TRPC4: variants seen among roughly 807,000 people sequenced by gnomAD.
TRPC4 encodes the protein transient receptor potential cation channel subfamily C member 4, also known as short transient receptor potential channel 4.
In TRPC4, 49 loss-of-function variants were observed where a neutral mutation model predicts 99.4. The ratio of observed to expected loss-of-function variants is 0.49; its 90% CI spans 0.39 to 0.63. The LOEUF (loss-of-function observed/expected upper bound fraction) is 0.63, where lower values mean the gene tolerates loss of function less well. Among genes scored for constraint, TRPC4 ranks in the 20% least tolerant of loss-of-function variants. TRPC4 has a pLI of 0.00. For synonymous variants in TRPC4, 454 were observed against 425.9 expected, an observed-to-expected ratio of 1.07 and a Z score of -0.81; for missense variants, 898 against 1,152.9, an observed-to-expected ratio of 0.78 and a Z score of 3.20.
chr13:37,799,226 G>A (rs1200231178), intron 1 of TRPC4, among the ~76,000 whole-genome samples: 3 of 152,192 alleles, frequency 2.0e-5, no homozygotes, highest in East Asian at 1.9e-4. Flanking sequence ...GAGCCACTGC[G>A]CCCGGCCTAA....
At chr13:37,859,693 A>T (rs1017662817) in intron 1 of TRPC4, among the ~76,000 whole-genome samples, 2 of 151,456 alleles carry the variant, frequency 1.3e-5, no homozygotes, top group Admixed American at 6.6e-5. Context: ...ACACAAAAAT[A>T]AAAAATTCAT....
chr13:37,685,591 A>G lies in TRPC4; in HGVS notation c.1234+6408T>C, dbSNP rs369888827. ...CTATTGTTACTCTGTGCTAATGAAG[A>G]CTAATTCAAGAATCTCATTTTTTTT... is the stretch of plus-strand genomic sequence containing the variant. On this transcript the variant is annotated intron_variant, in intron 4 of 10. Coordinates refer to ENST00000379705, the MANE Select transcript of TRPC4 (RefSeq NM_016179.4). Among the ~76,000 whole-genome samples, 26 of 152,092 alleles carry G rather than the reference A, an allele frequency of 1.7e-4. 2 individuals carry two copies. The highest frequency in any genetic ancestry group is 6.3e-4 in the African/African-American group (26 of 41,468).
intron 3 of TRPC4, among the ~76,000 whole-genome samples, chr13:37,745,460 A>ATGCGTATATATATATATATATGCG (rs1555265753): frequency 6.1e-4 from 3 of 4,928 alleles, no homozygotes; most frequent in African/African-American, 1.3e-3. Context: ...ATATATATAT[A>ATGCGTATATATATATATATATGCG]TATATATATA....
intron 8 of TRPC4, among the ~76,000 whole-genome samples, chr13:37,647,445 G>A (rs17056378): frequency 0.23 from 34,510 of 152,054 alleles, 4,631 homozygotes; most frequent in East Asian, 0.7. Flanking sequence ...AACAATGATA[G>A]GATCTGCAAA....
At position 37,635,117 on chromosome 13, in the gene TRPC4, T is replaced by G. The variant is rs1951479737; in HGVS notation, c.*1786A>C. Among the ~76,000 whole-genome samples the G allele has an allele frequency of 6.6e-6, 1 of 152,198 alleles. No homozygotes were observed. Among genetic ancestry groups the G allele is most frequent in the South Asian group, 2.1e-4 (1 of 4,836 alleles). On this transcript the variant is annotated 3_prime_UTR_variant, in exon 11 of 11. Transcript: ENST00000379705. ...GCACATTTTATATTTTGCACACTTC[T>G]CTTGCTTTAGAAGAAGGGACTCTTA...
At position 37,634,873 on chromosome 13, in the gene TRPC4, A is replaced by C. The variant is rs1951473475; in HGVS notation, c.*2030T>G. On this transcript the variant is annotated 3_prime_UTR_variant, in exon 11 of 11. Transcript: ENST00000379705. Reference sequence around the variant, plus strand: ...ATACTTGAGATAAAGGTGTTCTTGAAACAGTAAATGCATTCATTTAGGCTT... The same window carrying C: ...ATACTTGAGATAAAGGTGTTCTTGACACAGTAAATGCATTCATTTAGGCTT... 2.0e-5 allele frequency among the ~76,000 whole-genome samples: 3 copies of C among 152,072 alleles called. No homozygotes were observed. In the South Asian group the frequency reaches 6.2e-4, roughly 32 times the overall value.
At position 37,753,601 on chromosome 13, in the gene TRPC4, GAGAGAGAA is replaced by G. The variant is rs1474711361; in HGVS notation, c.379-7154_379-7147del. On this transcript the variant is annotated intron_variant, in intron 2 of 10. Transcript: ENST00000379705. ...AGAGAGAGAGAGAGAGAGAGAGAGA[GAGAGAGAA>G]AGAAAGAAAGAGAACACAGAAACAT... is the stretch of plus-strand genomic sequence containing the variant. Among the ~76,000 whole-genome samples, 1,061 of 139,048 alleles carry G rather than the reference GAGAGAGAA, an allele frequency of 7.6e-3. 7 individuals carry two copies. The highest frequency in any genetic ancestry group is 0.015 in the African/African-American group (589 of 39,182). 91.2% of individuals were successfully genotyped at this position (139,048 alleles called of 152,430 possible).
intron 1 of TRPC4, among the ~76,000 whole-genome samples, chr13:37,841,013 C>T (rs973111934): frequency 3.9e-5 from 6 of 152,022 alleles, no homozygotes. Flanking sequence ...CTAATCAGCA[C>T]AAAGCCAAAA....
At chr13:37,663,063 G>A (rs1330447071) in intron 6 of TRPC4, among the ~76,000 whole-genome samples, 1 of 152,188 alleles carries the variant, frequency 6.6e-6, no homozygotes, top group Non-Finnish European at 1.5e-5. Context: ...TTTCCAACAT[G>A]AGTGGTTTTA....
At position 37,783,177 on chromosome 13, in the gene TRPC4, C is replaced by G. The variant is rs1956886572; in HGVS notation, c.157G>C (p.Glu53Gln). ...ATTTTAAAATAAATTTCAGCTTCCTCTAGGGATTTCTTGACACTGGCATAA... is the reference window on the plus strand; with the variant it reads ...ATTTTAAAATAAATTTCAGCTTCCTGTAGGGATTTCTTGACACTGGCATAA... ...GDYASVKKSL[E>Q]EAEIYFKINI... The change falls in exon 2 of 11, where the codon GAG becomes CAG. Residue 53 changes from glutamate (E) to glutamine (Q), a missense_variant. Coordinates refer to ENST00000379705, the MANE Select transcript of TRPC4 (RefSeq NM_016179.4). 7 of 1,613,672 alleles carry G rather than the reference C, an allele frequency of 4.3e-6. No homozygotes were observed. The highest frequency in any genetic ancestry group is 5.9e-6 in the Non-Finnish European group (7 of 1,179,766).
chr13:37,814,724 T>A (rs527608775), intron 1 of TRPC4, among the ~76,000 whole-genome samples: 3 of 151,798 alleles, frequency 2.0e-5, no homozygotes, highest in Non-Finnish European at 4.4e-5. Flanking sequence ...ATTCATGTAT[T>A]GGAAATCTTA....
chr13:37,750,338 G>C (rs891994298), intron 2 of TRPC4, among the ~76,000 whole-genome samples: 1 of 152,020 alleles, frequency 6.6e-6, no homozygotes, highest in Non-Finnish European at 1.5e-5. Context: ...TTTGTTTCTA[G>C]GTACAGAGTT....
At chr13:37,695,684 T>C (rs1228075043) in intron 3 of TRPC4, among the ~76,000 whole-genome samples, 1 of 152,220 alleles carries the variant, frequency 6.6e-6, no homozygotes, top group Non-Finnish European at 1.5e-5. Context: ...TTTAAAGATG[T>C]CCCATCTCTT....
At chr13:37,807,244 A>C (rs918276306) in intron 1 of TRPC4, among the ~76,000 whole-genome samples, 3 of 151,972 alleles carry the variant, frequency 2.0e-5, no homozygotes, top group South Asian at 2.1e-4. Flanking sequence ...CCTTGCTTGC[A>C]ATCAATGCTC....
chr13:37,805,064 T>G (rs1465420077), intron 1 of TRPC4, among the ~76,000 whole-genome samples: 1 of 152,056 alleles, frequency 6.6e-6, no homozygotes, highest in Non-Finnish European at 1.5e-5. Context: ...AAATTTCAGA[T>G]GTGGAAGGTA....
intron 2 of TRPC4, among the ~76,000 whole-genome samples, chr13:37,764,824 T>C (rs1593690006): frequency 6.6e-6 from 1 of 150,946 alleles, no homozygotes; most frequent in Middle Eastern, 3.4e-3. Context: ...TTTTTTTTTT[T>C]TTTTGCATCT....
At chr13:37,740,820 C>T (rs2139131555) in intron 3 of TRPC4, among the ~76,000 whole-genome samples, 1 of 152,246 alleles carries the variant, frequency 6.6e-6, no homozygotes, top group Admixed American at 6.5e-5. Context: ...TTTACCATGC[C>T]ATGGATAGTG....
intron 1 of TRPC4, among the ~76,000 whole-genome samples, chr13:37,856,381 G>C (rs1265614179): frequency 7.2e-6 from 1 of 139,192 alleles, no homozygotes; most frequent in African/African-American, 2.6e-5. Context: ...TAATAATAAA[G>C]TCTCCTAGTA....
intron 4 of TRPC4, among the ~76,000 whole-genome samples, chr13:37,679,941 T>C (rs1331294375): frequency 6.6e-6 from 1 of 152,164 alleles, no homozygotes; most frequent in Non-Finnish European, 1.5e-5. Context: ...CTATGGTGCT[T>C]TCTCCTACTA....
Sources: gnomAD v4.1 joint callset for allele counts (sites outside exome capture counted in the v4.1 genomes callset) on GRCh38, gnomAD v4.1.1 for gene constraint, MANE v1.5 for transcripts, NCBI Gene and HGNC (gene_info 2026-07-23, HGNC 2026-07-21) for gene names.